The following ZFP30 variants were observed in gnomAD, a reference collection of about 807,000 sequenced individuals.
ZFP30 encodes the protein ZFP30 zinc finger protein.
ZFP30 carries 16 observed loss-of-function variants against 12.3 expected under a neutral mutation model. That is an observed-to-expected ratio of 1.30 (90% confidence interval 0.88 to 1.98). The LOEUF is 1.98. Among genes scored for constraint, ZFP30 ranks in the 30% most tolerant of loss-of-function variants. The pLI, the probability that ZFP30 is intolerant of heterozygous loss-of-function variation, is 0.00. For missense variants in ZFP30, 560 were observed against 611.2 expected (o/e 0.92, Z 0.88); for synonymous variants, 172 against 201.0 (o/e 0.86, Z 1.22).
chr19:37,637,203 CTTTT>C (rs1002235029), intron 5 of ZFP30, among the ~76,000 whole-genome samples: 1 of 131,842 alleles, frequency 7.6e-6, no homozygotes, highest in Non-Finnish European at 1.6e-5. Flanking sequence ...TTCTTTTTTT[CTTTT>C]TTTTTTTTTT....
intron 5 of ZFP30, among the ~76,000 whole-genome samples, chr19:37,642,208 C>T (rs769349293): frequency 6.6e-6 from 1 of 152,142 alleles, no homozygotes; most frequent in African/African-American, 2.4e-5. Context: ...AACATACCTC[C>T]ATCTACTACC....
At chr19:37,641,994 A>T (rs956208164) in intron 5 of ZFP30, among the ~76,000 whole-genome samples, 4 of 152,224 alleles carry the variant, frequency 2.6e-5, no homozygotes, top group South Asian at 4.1e-4. Flanking sequence ...GCTTGATAAG[A>T]CTTAGGACCT....
chr19:37,643,448 A>G, intron 4 of ZFP30, 85 bp from the exon 5 acceptor site: 1 of 968,734 alleles, frequency 1.0e-6, no homozygotes, highest in Admixed American at 3.4e-5. Flanking sequence ...AAACATTCAT[A>G]GCATAGAGTT....
chr19:37,642,279 T>C (rs1023098127), intron 5 of ZFP30, among the ~76,000 whole-genome samples: 1 of 152,238 alleles, frequency 6.6e-6, no homozygotes, highest in Non-Finnish European at 1.5e-5. Flanking sequence ...TAATTTATGC[T>C]TTTTAAATGT....
Position 37,633,536 on chromosome 19 carries a change from T to A in ZFP30, c.*1445A>T, listed in dbSNP as rs2044268511. ...GCCTGGCTAATTTTTGTATTTTTAGTGGAGATGAGGTTTCACCATGATGGT... is the reference window on the plus strand; with the variant it reads ...GCCTGGCTAATTTTTGTATTTTTAGAGGAGATGAGGTTTCACCATGATGGT... On this transcript the variant is annotated 3_prime_UTR_variant, in exon 6 of 6. Coordinates refer to ENST00000684514, the MANE Select transcript of ZFP30 (RefSeq NM_001320669.3). The A allele has an allele frequency of 6.6e-6, 1 of 152,062 alleles. No homozygotes were observed. The highest frequency in any genetic ancestry group is 2.1e-4 in the South Asian group (1 of 4,812). The allele number at this position is 152,062 out of a possible 1,614,324, so 9.4% of individuals were successfully genotyped here.
chr19:37,631,331 G>A lies in ZFP30; in HGVS notation c.*3650C>T, dbSNP rs1223671492. On this transcript the variant is annotated 3_prime_UTR_variant, in exon 6 of 6. Coordinates refer to ENST00000684514, the MANE Select transcript of ZFP30 (RefSeq NM_001320669.3). ...TACTTCATTATTTGGAGAAGCTATA[G>A]TTTTATTTTCTTAATTATTAATTTT... 6.6e-6 allele frequency: 1 copy of A among 152,180 alleles called. No homozygotes were observed. Among genetic ancestry groups the A allele is most frequent in the Non-Finnish European group, 1.5e-5 (1 of 68,036 alleles). 9.4% of individuals were successfully genotyped at this position (152,180 alleles called of 1,614,324 possible).
chr19:37,640,851 T>C (rs1244272786), intron 5 of ZFP30, among the ~76,000 whole-genome samples: 1 of 152,186 alleles, frequency 6.6e-6, no homozygotes, highest in African/African-American at 2.4e-5. Flanking sequence ...CACCCCTTTT[T>C]TTTCTGGCTG....
At chr19:37,650,125 T>A (rs1270306633) in intron 2 of ZFP30, among the ~76,000 whole-genome samples, 2 of 139,060 alleles carry the variant, frequency 1.4e-5, no homozygotes, top group African/African-American at 5.6e-5. Context: ...AATCTTTACA[T>A]TTTTTTTTTT....
Position 37,634,713 on chromosome 19 carries a change from GATA to G in ZFP30, c.*265_*267del. Reference sequence around the variant, plus strand: ...ATATACACAGATGGAAGAATATGGAGATAATAATAGGTAAGATCAAAAGCTTTT... The same window carrying G: ...ATATACACAGATGGAAGAATATGGAGATAATAGGTAAGATCAAAAGCTTTT... On this transcript the variant is annotated 3_prime_UTR_variant, in exon 6 of 6. Transcript: ENST00000684514. The G allele has an allele frequency of 8.9e-6, 3 of 335,474 alleles. No homozygotes were observed. Among genetic ancestry groups the G allele is most frequent in the Non-Finnish European group, 1.6e-5 (3 of 186,526 alleles). 20.8% of individuals were successfully genotyped at this position (335,474 alleles called of 1,614,324 possible).
chr19:37,639,100 C>T (rs1175821463), intron 5 of ZFP30, among the ~76,000 whole-genome samples: 1 of 152,054 alleles, frequency 6.6e-6, no homozygotes, highest in African/African-American at 2.4e-5. Flanking sequence ...TCGTGTTTCT[C>T]TCTCTCTGTC....
In ZFP30 at chr19:37,636,683, C is replaced by T. The variant is rs2044334710; in HGVS notation, c.236-378G>A. On this transcript the variant is annotated intron_variant, in intron 5 of 5. Transcript: ENST00000684514. Reference sequence around the variant, plus strand: ...TGTCCCTATGACACTTGCCTGCCTCCTTTCTGCTCCTAGAATGTGTCACAA... The same window carrying T: ...TGTCCCTATGACACTTGCCTGCCTCTTTTCTGCTCCTAGAATGTGTCACAA... Among the ~76,000 whole-genome samples, 3 of 152,014 alleles carry T rather than the reference C, an allele frequency of 2.0e-5. No homozygotes were observed. The South Asian group carries it at 6.2e-4, about 32-fold the overall frequency.
rs550209542 is a variant in ZFP30 at position 37,637,688 on chromosome 19, A to G, written c.236-1383T>C. Among the ~76,000 whole-genome samples the G allele has an allele frequency of 5.3e-5, 8 of 151,820 alleles. No homozygotes were observed. The East Asian group carries it at 9.7e-4, about 18-fold the overall frequency. ...TATTTTTAGTAGAGACAGTTTCACA[A>G]TGTTGGCCAGGCTGATCTCGAACTC... On this transcript the variant is annotated intron_variant, in intron 5 of 5. Coordinates refer to ENST00000684514, the MANE Select transcript of ZFP30 (RefSeq NM_001320669.3).
Position 37,643,501 on chromosome 19 carries a change from C to A in ZFP30, c.137-138G>T, listed in dbSNP as rs1599622064. 24 of 489,628 alleles carry A rather than the reference C, an allele frequency of 4.9e-5. No homozygotes were observed. The East Asian group carries it at 9.9e-4, about 20-fold the overall frequency. 30.3% of individuals were successfully genotyped at this position (489,628 alleles called of 1,614,324 possible). On this transcript the variant is annotated intron_variant, in intron 4 of 5. Coordinates refer to ENST00000684514, the MANE Select transcript of ZFP30 (RefSeq NM_001320669.3). ...AAAAACAAGAACACAGAAGTAGGGACCTGGTTTTATTTTAATTTAAACTTA... is the reference window on the plus strand; with the variant it reads ...AAAAACAAGAACACAGAAGTAGGGAACTGGTTTTATTTTAATTTAAACTTA...
chr19:37,640,164 C>A lies in ZFP30; in HGVS notation c.235+3101G>T, dbSNP rs2044406699. On this transcript the variant is annotated intron_variant, in intron 5 of 5. Coordinates refer to ENST00000684514, the MANE Select transcript of ZFP30 (RefSeq NM_001320669.3). ...AAACATAAAAATTCAAGAATTCTGC[C>A]CTCAGATTGCTTCACAAGTATCTTT... Among the ~76,000 whole-genome samples, 3 of 151,928 alleles carry A rather than the reference C, an allele frequency of 2.0e-5. No homozygotes were observed. The South Asian group carries it at 6.2e-4, about 32-fold the overall frequency.
At chr19:37,637,209 T>C (rs913158171) in intron 5 of ZFP30, among the ~76,000 whole-genome samples, 12 of 151,068 alleles carry the variant, frequency 7.9e-5, no homozygotes, top group East Asian at 1.9e-4. Context: ...TTTTCTTTTT[T>C]TTTTTTTTTT....
In ZFP30 at chr19:37,635,912, G is replaced by A. The variant is rs145717742; in HGVS notation, c.629C>T (p.Ser210Phe). Residue 210 changes from serine (S) to phenylalanine (F), a missense_variant, in exon 6 of 6, where the codon TCT becomes TTT. Transcript: ENST00000684514. Reference protein sequence around the residue: ...HLSRHQRIHTSDKLYECKKCG... With the variant: ...HLSRHQRIHTFDKLYECKKCG... ...TTTTTTACATTCATAGAGTTTGTCA[G>A]AAGTATGAATTCTCTGATGTCGACT... 2.7e-3 allele frequency: 4,425 copies of A among 1,614,126 alleles called. 14 individuals are homozygous for A. Among genetic ancestry groups the A allele is most frequent in the Non-Finnish European group, 3.0e-3 (3,559 of 1,180,032 alleles).
intron 5 of ZFP30, among the ~76,000 whole-genome samples, chr19:37,639,490 T>TG (rs1343951022): frequency 2.6e-5 from 4 of 152,048 alleles, no homozygotes; most frequent in African/African-American, 9.7e-5. Flanking sequence ...CCCAACTACT[T>TG]GGGGAGGCTG....
chr19:37,643,062 A>G (rs534320991), intron 5 of ZFP30, among the ~76,000 whole-genome samples: 9 of 151,656 alleles, frequency 5.9e-5, no homozygotes, highest in African/African-American at 2.2e-4. Context: ...CAAAAAAAAA[A>G]AAAAAAAAAG....
chr19:37,650,738 CTT>C (rs34780474), intron 2 of ZFP30, among the ~76,000 whole-genome samples: 14 of 142,782 alleles, frequency 9.8e-5, no homozygotes, highest in East Asian at 2.0e-4. Flanking sequence ...TTTTCTTTTC[CTT>C]TTTTTTTTTT....
Sources: allele counts gnomAD v4.1 joint callset (sites outside exome capture counted in the v4.1 genomes callset), GRCh38; gene constraint gnomAD v4.1.1; transcripts MANE v1.5; gene names NCBI Gene and HGNC (gene_info 2026-07-23, HGNC 2026-07-21).